MATK: variants seen among roughly 807,000 people sequenced by gnomAD.
The protein encoded by MATK is megakaryocyte-associated tyrosine kinase, also known as megakaryocyte-associated tyrosine-protein kinase.
A neutral mutation model predicts 59.8 loss-of-function variants in MATK; 41 were observed. That is an observed-to-expected ratio of 0.69 (90% CI 0.53 to 0.89). The LOEUF is 0.89. MATK is among the 40% of genes least tolerant of loss of function. MATK has a pLI of 0.00. For synonymous variants in MATK, 308 were observed against 306.1 expected (o/e 1.01, Z -0.06); for missense variants, 593 against 719.6 (o/e 0.82, Z 2.01).
At chr19:3,782,950 G>A (rs763586175) in intron 7 of MATK, 176 bp downstream of exon 7, 1 of 607,954 alleles carries the variant, frequency 1.6e-6, no homozygotes, top group Non-Finnish European at 2.9e-6. Context: ...ATTGAATAAA[G>A]GACTGATCTG....
At chr19:3,789,415 A>G (rs2037519393), upstream of MATK, 3 of 668,994 alleles carry the variant, frequency 4.5e-6, no homozygotes, top group Non-Finnish European at 8.5e-6. Context: ...CTGCAAATCA[A>G]TGATATTAGT....
intron 3 of MATK, 46 bp from the exon 4 acceptor site, chr19:3,784,497 A>T: frequency 7.1e-7 from 1 of 1,407,054 alleles, no homozygotes; most frequent in Non-Finnish European, 9.8e-7. Flanking sequence ...CATCACGGAG[A>T]TGTGGGGAGC....
At position 3,785,092 on chromosome 19, in the gene MATK, C is replaced by A. The variant is rs774299917; in HGVS notation, c.44G>T (p.Gly15Val). ...GGGAAGTTCCTCAGCAGAATCACAG[C>A]CGTGAAATGCCCGCCAGGAAACCAG... ...GSLVSWRAFHGCDSAEELPRV... is the reference protein window; with the variant it reads ...GSLVSWRAFHVCDSAEELPRV... Residue 15 changes from glycine (G) to valine (V), a missense_variant, in exon 2 of 14, where the codon GGC becomes GTC. Gly to Val is a moderately radical substitution (Grantham distance 109). Transcript: ENST00000310132. 6.2e-6 allele frequency: 10 copies of A among 1,613,998 alleles called. No individual in the cohort carries two copies. The highest frequency in any genetic ancestry group is 4.0e-5 in the African/African-American group (3 of 74,926).
Position 3,785,265 on chromosome 19 carries a change from C to G in MATK, c.-130G>C. The G allele has an allele frequency of 4.6e-6, 7 of 1,535,638 alleles. No individual in the cohort carries two copies. The highest frequency in any genetic ancestry group is 6.1e-6 in the Non-Finnish European group (7 of 1,144,458). ...GGTAGGGAGCTGGGTGCCACTGGAC[C>G]GAGCCTGGTTCTTCCTGTTTTCTGG... On this transcript the variant is annotated 5_prime_UTR_variant, in exon 2 of 14. Coordinates refer to ENST00000310132, the MANE Select transcript of MATK (RefSeq NM_139355.3).
intron 2 of MATK, 81 bp downstream of exon 2, chr19:3,784,982 AG>A: frequency 6.9e-7 from 1 of 1,441,326 alleles, no homozygotes. Context: ...ATGGCTGGGC[AG>A]GCAGAGAGAG....
chr19:3,787,044 C>T (rs1411229657), upstream of MATK, among the ~76,000 whole-genome samples: 1 of 152,192 alleles, frequency 6.6e-6, no homozygotes, highest in Non-Finnish European at 1.5e-5. Context: ...TCTTGGTGGA[C>T]AGGGCCCTGG....
chr19:3,779,533 C>G lies in MATK; in HGVS notation c.927G>C (p.Lys309Asn). Reference protein sequence around the residue: ...GLYIVMEHVSKGNLVNFLRTR... With the variant: ...GLYIVMEHVSNGNLVNFLRTR... ...CCTCCCCGCCTGGGCCCCGCCCCAC[C>G]TTGCTCACGTGCTCCATGACAATGT... is the stretch of plus-strand genomic sequence containing the variant. The change falls in exon 10 of 14, where the codon AAG becomes AAC. Residue 309 changes from lysine (K) to asparagine (N), a missense_variant and splice_region_variant. Physicochemically the swap from Lys to Asn is moderately conservative, Grantham distance 94. Coordinates refer to ENST00000310132, the MANE Select transcript of MATK (RefSeq NM_139355.3). 6.2e-7 allele frequency: 1 copy of G among 1,611,468 alleles called. No individual in the cohort carries two copies. The highest frequency in any genetic ancestry group is 8.5e-7 in the Non-Finnish European group (1 of 1,179,172).
In MATK at chr19:3,785,065, C is replaced by A. The variant is rs1049336536; in HGVS notation, c.71G>T (p.Arg24Leu). ...HGCDSAEELP[R>L]VSPRFLRAWH... is the part of the protein sequence containing the mutation. ...CCCCTGTGGGGAAGTGATCTTTACC[C>A]GGGGAAGTTCCTCAGCAGAATCACA... is the stretch of plus-strand genomic sequence containing the variant. The change falls in exon 2 of 14, where the codon CGG (arginine) becomes CTG (leucine). Residue 24 changes from arginine (R) to leucine (L), a missense_variant and splice_region_variant. Transcript: ENST00000310132. The A allele has an allele frequency of 1.2e-6, 2 of 1,613,962 alleles. No individual in the cohort carries two copies. Among genetic ancestry groups the A allele is most frequent in the Non-Finnish European group, 1.7e-6 (2 of 1,179,896 alleles).
At chr19:3,797,958 C>G (rs1454846312) in intron 1 of MATK, among the ~76,000 whole-genome samples, 2 of 152,044 alleles carry the variant, frequency 1.3e-5, no homozygotes, top group African/African-American at 4.8e-5. Flanking sequence ...AGGAGAATCG[C>G]TTGAACCTGG....
upstream of MATK, chr19:3,789,241 C>A (rs370173577): frequency 1.3e-6 from 1 of 767,698 alleles, no homozygotes. Context: ...ATATCTGCAG[C>A]GGAAAACCCA....
rs1208156097 is a variant in MATK, at chr19:3,785,167, G to C, written c.-32C>G. 6.2e-7 allele frequency: 1 copy of C among 1,613,758 alleles called. No homozygotes were observed. The highest frequency in any genetic ancestry group is 1.7e-5 in the Admixed American group (1 of 60,002). ...CAGAGGGAAACTGAGGCAGGTGAGA[G>C]GCACACTGAGCAAGTGGTCACAGTC... On this transcript the variant is annotated 5_prime_UTR_variant, in exon 2 of 14. Transcript: ENST00000310132.
In MATK at chr19:3,779,261, C is replaced by A; in HGVS notation, c.1002-74G>T. ...TTCAGGGCTCAGAAAGCTCGGGGTG[C>A]CTGGGGCCACAAGCTCACAAAGCCT... On this transcript the variant is annotated intron_variant, in intron 11 of 13. Transcript: ENST00000310132. 4 of 1,545,554 alleles carry A rather than the reference C, an allele frequency of 2.6e-6. No individual in the cohort carries two copies. The Admixed American group carries it at 5.2e-5, about 20-fold the overall frequency.
rs200910912 is a variant in MATK, at chr19:3,783,076, T to G, written c.676+50A>C. 7.9e-5 allele frequency: 125 copies of G among 1,581,672 alleles called. No homozygotes were observed. In the East Asian group the frequency reaches 2.5e-3, roughly 32 times the overall value. Reference sequence around the variant, plus strand: ...GGCCCCAGGGCCCTTCCTCCCGGACTGGGCTAACGTGGGTAGGGAAGGGGG... The same window carrying G: ...GGCCCCAGGGCCCTTCCTCCCGGACGGGGCTAACGTGGGTAGGGAAGGGGG... On this transcript the variant is annotated intron_variant, in intron 7 of 13. Coordinates refer to ENST00000310132, the MANE Select transcript of MATK (RefSeq NM_139355.3).
intron 1 of MATK, among the ~76,000 whole-genome samples, chr19:3,792,510 C>CTTTTT (rs140778999): frequency 2.3e-4 from 23 of 99,748 alleles, no homozygotes; most frequent in South Asian, 6.8e-4. Flanking sequence ...ATTTCCAACT[C>CTTTTT]TTTTTTTTTT....
chr19:3,786,158 G>A lies in MATK; in HGVS notation c.-152+11C>T. On this transcript the variant is annotated intron_variant, in intron 1 of 13. Transcript: ENST00000310132. This position sits in a 1 kb window ranked among gnomAD's most constrained non-coding sequence, Gnocchi z 4.1. ...CGGGGTCTCTCCACGTCTCCCCGCC[G>A]ACGTGCTCACCTGCTCAGGGGGCGC... 2.1e-6 allele frequency: 2 copies of A among 972,880 alleles called. No homozygotes were observed. Among genetic ancestry groups the A allele is most frequent in the African/African-American group, 1.8e-5 (1 of 56,808 alleles). 60.3% of individuals were successfully genotyped at this position (972,880 alleles called of 1,614,324 possible).
At position 3,778,239 on chromosome 19, in the gene MATK, A is replaced by G; in HGVS notation, c.1468T>C (p.Ser490Pro). Residue 490 changes from serine to proline, a missense_variant, in exon 14 of 14, where the codon TCC (serine) becomes CCC (proline). Physicochemically the swap from Ser to Pro is moderately conservative, Grantham distance 74. Coordinates refer to ENST00000310132, the MANE Select transcript of MATK (RefSeq NM_139355.3). ...RELRSAGAPA[S>P]VSGQDADGST... is the part of the protein sequence containing the mutation. ...CCGTCGGCGTCCTGCCCTGAGACGGAGGCTGGGGCACCTGCACTGCGTAGC... is the reference window on the plus strand; with the variant it reads ...CCGTCGGCGTCCTGCCCTGAGACGGGGGCTGGGGCACCTGCACTGCGTAGC... 6.3e-7 allele frequency: 1 copy of G among 1,575,084 alleles called. No homozygotes were observed.
intron 12 of MATK, 108 bp from the exon 13 acceptor site, chr19:3,778,703 C>G: frequency 1.6e-6 from 2 of 1,255,902 alleles, no homozygotes; most frequent in Non-Finnish European, 2.2e-6. Context: ...CTGGTCTTCT[C>G]CTAATTGAGT....
At chr19:3,779,941 A>C (rs1599194654) in intron 8 of MATK, 144 bp from the exon 9 acceptor site, 2 of 648,760 alleles carry the variant, frequency 3.1e-6, no homozygotes, top group East Asian at 5.4e-5. Context: ...CACAGACCCC[A>C]TGCTCCTCAC....
intron 1 of MATK, among the ~76,000 whole-genome samples, chr19:3,798,856 A>G (rs1447872599): frequency 6.6e-6 from 1 of 150,974 alleles, no homozygotes. Context: ...TACAGGATGG[A>G]GTGCAGTGGC....
Sources: gnomAD v4.1 joint callset for allele counts (sites outside exome capture counted in the v4.1 genomes callset) on GRCh38, gnomAD v4.1.1 for gene constraint, Gnocchi (gnomAD v3.1) non-coding constraint, MANE v1.5 for transcripts, NCBI Gene and HGNC (gene_info 2026-07-23, HGNC 2026-07-21) for gene names.